Variants in GALNT9 observed in about 807,000 individuals in gnomAD.
GALNT9 encodes polypeptide N-acetylgalactosaminyltransferase 9.
In GALNT9, 47 loss-of-function variants were observed where a neutral mutation model predicts 63.1. The ratio of observed to expected loss-of-function variants is 0.75; its 90% CI spans 0.59 to 0.95. GALNT9 has a LOEUF of 0.95. Ranked by LOEUF, GALNT9 falls within the 40% of genes least tolerant of loss-of-function variation. The pLI is 0.00. For missense variants in GALNT9, 829 were observed against 874.8 expected (o/e 0.95, Z 0.66); for synonymous variants, 396 against 365.7 (o/e 1.08, Z -0.94).
intron 3 of GALNT9, among the ~76,000 whole-genome samples, chr12:132,262,134 A>G (rs1555239828): frequency 6.6e-6 from 1 of 152,212 alleles, no homozygotes; most frequent in Non-Finnish European, 1.5e-5. Context: ...CCGGTTGAGT[A>G]TCTTGAGATG....
chr12:132,314,960 C>G (rs78762478), intron 1 of GALNT9, among the ~76,000 whole-genome samples: 1 of 152,184 alleles, frequency 6.6e-6, no homozygotes, highest in Non-Finnish European at 1.5e-5. Context: ...CAAGCGCGAC[C>G]GGGTGCCGGG....
intron 6 of GALNT9, chr12:132,240,586 C>T (rs1407948765): frequency 4.2e-5 from 19 of 454,532 alleles, no homozygotes; most frequent in East Asian, 7.0e-5. Context: ...CCCCGGGGCT[C>T]GGCTGTGGGC....
chr12:132,304,723 A>G (rs868995459), intron 1 of GALNT9, among the ~76,000 whole-genome samples: 3 of 25,124 alleles, frequency 1.2e-4, no homozygotes, highest in Admixed American at 4.9e-4. Context: ...GCACAGCCTC[A>G]CCGGGGCACA....
Position 132,316,714 on chromosome 12 carries a change from G to A in GALNT9, c.238+12252C>T, listed in dbSNP as rs2135588194. 6.6e-6 allele frequency among the ~76,000 whole-genome samples: 1 copy of A among 152,162 alleles called. No homozygotes were observed. Among genetic ancestry groups the A allele is most frequent in the South Asian group, 2.1e-4 (1 of 4,822 alleles). ...AGATCCGACAGGGACGCCCACCCCA[G>A]CCCACTCCCTCTGCAGCCACCCAGC... On this transcript the variant is annotated intron_variant, in intron 1 of 10. Transcript: ENST00000328957. The surrounding 1 kb of genome is among the most constrained non-coding windows in gnomAD (Gnocchi z 4.3).
intron 1 of GALNT9, among the ~76,000 whole-genome samples, chr12:132,325,506 G>C (rs1041892733): frequency 6.6e-6 from 1 of 152,308 alleles, no homozygotes; most frequent in East Asian, 1.9e-4. Context: ...CAGGATGAGC[G>C]TGCAATGAGC....
chr12:132,198,096 G>A (rs978023309), intron 9 of GALNT9, 137 bp from the exon 10 acceptor site: 8 of 706,874 alleles, frequency 1.1e-5, no homozygotes, highest in Admixed American at 8.4e-5. Context: ...CCCCGGGGAC[G>A]CTGTTGCGGG....
intron 6 of GALNT9, among the ~76,000 whole-genome samples, chr12:132,243,310 T>C (rs1421340773): frequency 4.9e-4 from 49 of 100,956 alleles, no homozygotes; most frequent in South Asian, 8.0e-4. Context: ...CCTATACCCA[T>C]TACACACACA....
At chr12:132,197,745 GC>G (rs765849905) in intron 10 of GALNT9, 46 bp downstream of exon 10, 5 of 1,371,338 alleles carry the variant, frequency 3.6e-6, no homozygotes, top group Non-Finnish European at 5.0e-6. Context: ...GGTCCCAGCA[GC>G]CCTGCCCCGC....
chr12:132,329,138 GA>G lies in GALNT9; in HGVS notation c.65del (p.Val22AlafsTer20). On this transcript the variant is annotated frameshift_variant, in exon 1 of 11. Transcript: ENST00000328957. LOFTEE classifies it high-confidence loss of function. ...GCAGGCGGCAGTACACGGAGAACAG[GA>G]CGATGCCCACGAACACCAGGATGTT... ...TVNILVFVGI[V>X]LFSVYCRLQG... 6.5e-7 allele frequency: 1 copy of G among 1,549,580 alleles called. No homozygotes were observed. The highest frequency in any genetic ancestry group is 8.7e-7 in the Non-Finnish European group (1 of 1,146,518).
In GALNT9 at chr12:132,296,175, G is replaced by A. The variant is rs140428229; in HGVS notation, c.239-9745C>T. ...GGCCTCCGAACAGGGAGAGCCTCCG[G>A]AATAGGGACGGCCTCCGAACAGGGA... On this transcript the variant is annotated intron_variant, in intron 1 of 10. Transcript: ENST00000328957. This position sits in a 1 kb window ranked among gnomAD's most constrained non-coding sequence, Gnocchi z 4.2. Among the ~76,000 whole-genome samples the A allele has an allele frequency of 0.011, 1,634 of 151,590 alleles. 17 individuals are homozygous for A. Among genetic ancestry groups the A allele is most frequent in the Non-Finnish European group, 0.017 (1,130 of 67,792 alleles).
chr12:132,267,943 A>C, intron 2 of GALNT9, among the ~76,000 whole-genome samples: 1 of 150,154 alleles, frequency 6.7e-6, no homozygotes, highest in Non-Finnish European at 1.5e-5. Flanking sequence ...ACACACACGC[A>C]CTCACATACA....
At position 132,257,672 on chromosome 12, in the gene GALNT9, C is replaced by T; in HGVS notation, c.959+17G>A. ...TGCCGGGCAGGGCCGCCCTCGACCC[C>T]TGAGGGCGCAGCTCACCTGATGGGT... On this transcript the variant is annotated intron_variant, in intron 5 of 10. Transcript: ENST00000328957. 2 of 1,539,782 alleles carry T rather than the reference C, an allele frequency of 1.3e-6. No individual in the cohort carries two copies. Among genetic ancestry groups the T allele is most frequent in the Non-Finnish European group, 1.8e-6 (2 of 1,139,214 alleles).
intron 1 of GALNT9, among the ~76,000 whole-genome samples, chr12:132,328,192 C>G (rs1555246658): frequency 6.6e-6 from 1 of 152,180 alleles, no homozygotes; most frequent in Non-Finnish European, 1.5e-5. Context: ...GGCCGCTGGC[C>G]CTGACCTGTG....
Position 132,221,711 on chromosome 12 carries a change from C to T in GALNT9, c.1078-18021G>A, listed in dbSNP as rs544669686. ...AGCCTGAGATGGACAATGTATGCAA[C>T]GCCCCATAACGGAAAAGAAAGGAAT... On this transcript the variant is annotated intron_variant, in intron 6 of 10. Coordinates refer to ENST00000328957, the MANE Select transcript of GALNT9 (RefSeq NM_001122636.2). 6.3e-5 allele frequency among the ~76,000 whole-genome samples: 9 copies of T among 142,392 alleles called. No individual in the cohort carries two copies. In the South Asian group the frequency reaches 1.4e-3, roughly 22 times the overall value. The allele number at this position is 142,392 out of a possible 152,430, so 93.4% of individuals were successfully genotyped here. A position where few individuals can be genotyped will look rare whatever the true frequency, so the allele number is the denominator to read the frequency against.
Position 132,261,029 on chromosome 12 carries a change from C to T in GALNT9, c.680G>A (p.Arg227His), listed in dbSNP as rs781946302. Residue 227 changes from arginine to histidine, a missense_variant, in exon 4 of 11, where the codon CGC (arginine) becomes CAC (histidine). Arg to His is a conservative substitution (Grantham distance 29, BLOSUM62 0). Coordinates refer to ENST00000328957, the MANE Select transcript of GALNT9 (RefSeq NM_001122636.2). ...VRNSRREGLIRARLQGWKAAT... is the reference protein window; with the variant it reads ...VRNSRREGLIHARLQGWKAAT... Reference sequence around the variant, plus strand: ...CGCCTTCCAGCCCTGCAGCCGCGCGCGGATCAGTCCTTCCCGCCGGCTGTT... The same window carrying T: ...CGCCTTCCAGCCCTGCAGCCGCGCGTGGATCAGTCCTTCCCGCCGGCTGTT... 34 of 1,551,052 alleles carry T rather than the reference C, an allele frequency of 2.2e-5. No homozygotes were observed. The highest frequency in any genetic ancestry group is 2.9e-5 in the Non-Finnish European group (33 of 1,146,892).
rs561792666 is a variant in GALNT9, at chr12:132,210,603, G to A, written c.1078-6913C>T. 2.8e-4 allele frequency among the ~76,000 whole-genome samples: 43 copies of A among 152,320 alleles called. 1 individual carries two copies. In the South Asian group the frequency reaches 8.5e-3, roughly 30 times the overall value. On this transcript the variant is annotated intron_variant, in intron 6 of 10. Transcript: ENST00000328957. ...GGGTGGCGAGTGGGGTTAACTGGCG[G>A]TGAGACACAGGCATGCTTGAGGCCC... is the stretch of plus-strand genomic sequence containing the variant.
At chr12:132,224,663 G>A (rs1187005336) in intron 6 of GALNT9, among the ~76,000 whole-genome samples, 1 of 59,816 alleles carries the variant, frequency 1.7e-5, no homozygotes, top group African/African-American at 7.2e-5. Flanking sequence ...ACCCCACACT[G>A]TACCTATACA....
At chr12:132,284,176 CACGCACACCCACGCATGTGTGTGCA>C (rs1555241933) in intron 2 of GALNT9, 4 of 151,488 alleles carry the variant, frequency 2.6e-5, no homozygotes, top group Non-Finnish European at 4.4e-5. Context: ...TATACACACA[CACGCACACCCACGCATGTGTGTGCA>C]CACGTGCACA....
intron 6 of GALNT9, among the ~76,000 whole-genome samples, chr12:132,241,735 C>A (rs1878377736): frequency 2.7e-5 from 3 of 112,882 alleles, no homozygotes; most frequent in African/African-American, 1.2e-4. Context: ...TCCCTATACC[C>A]ATTACACACA....
Sources: gnomAD v4.1 joint callset for allele counts (sites outside exome capture counted in the v4.1 genomes callset) on GRCh38, gnomAD v4.1.1 for gene constraint, Gnocchi (gnomAD v3.1) non-coding constraint, MANE v1.5 for transcripts, NCBI Gene and HGNC (gene_info 2026-07-23, HGNC 2026-07-21) for gene names.